RAB31: variants seen among roughly 807,000 people sequenced by gnomAD.
RAB31 encodes ras-related protein Rab-31.
RAB31 carries 21 observed loss-of-function variants against 25.6 expected under a neutral mutation model. The ratio of observed to expected loss-of-function variants is 0.82; its 90% CI spans 0.58 to 1.18. RAB31 has a LOEUF of 1.18. Among genes scored for constraint, RAB31 ranks in the 50% most tolerant of loss-of-function variants. RAB31 has a pLI of 0.00. For synonymous variants in RAB31, 87 were observed against 84.0 expected, an observed-to-expected ratio of 1.04 and a Z score of -0.20; for missense variants, 196 against 250.1, an observed-to-expected ratio of 0.78 and a Z score of 1.46.
intron 5 of RAB31, among the ~76,000 whole-genome samples, chr18:9,833,723 C>G (rs1400040779): frequency 1.3e-5 from 2 of 152,184 alleles, no homozygotes; most frequent in African/African-American, 4.8e-5. Flanking sequence ...CCTCTCTTAC[C>G]TCAACATCAT....
chr18:9,780,456 T>C (rs1359782622), intron 2 of RAB31, among the ~76,000 whole-genome samples: 1 of 152,210 alleles, frequency 6.6e-6, no homozygotes, highest in African/African-American at 2.4e-5. Context: ...TAGAGGTAAT[T>C]ACTGTAAACA....
chr18:9,728,006 T>G (rs1168372180), intron 1 of RAB31, among the ~76,000 whole-genome samples: 5 of 152,230 alleles, frequency 3.3e-5, no homozygotes, highest in African/African-American at 1.2e-4. Flanking sequence ...ACTTAATGTA[T>G]ACTTGTAAAG....
chr18:9,731,021 C>A (rs750120055), intron 1 of RAB31, among the ~76,000 whole-genome samples: 1 of 152,210 alleles, frequency 6.6e-6, no homozygotes, highest in Non-Finnish European at 1.5e-5. Context: ...TAAGTCAGAA[C>A]CACAGGGTGA....
intron 6 of RAB31, among the ~76,000 whole-genome samples, chr18:9,853,303 TAAA>T (rs538892034): frequency 6.6e-6 from 1 of 151,510 alleles, no homozygotes; most frequent in African/African-American, 2.4e-5. Flanking sequence ...AATGTTAAAA[TAAA>T]AAAAATTAAA....
At chr18:9,752,770 C>T (rs1246171864) in intron 1 of RAB31, among the ~76,000 whole-genome samples, 1 of 152,212 alleles carries the variant, frequency 6.6e-6, no homozygotes, top group East Asian at 1.9e-4. Context: ...CGAGGATGCA[C>T]ACAAACCCTT....
chr18:9,725,102 A>T (rs1599013274), intron 1 of RAB31, among the ~76,000 whole-genome samples: 2 of 152,246 alleles, frequency 1.3e-5, no homozygotes, highest in Middle Eastern at 3.4e-3. Context: ...CAGTCTTGTC[A>T]TATGGTGGCT....
intron 5 of RAB31, among the ~76,000 whole-genome samples, chr18:9,820,870 AT>A (rs1296770917): frequency 6.6e-6 from 1 of 151,074 alleles, no homozygotes; most frequent in East Asian, 1.9e-4. Context: ...ATTTCTTTTC[AT>A]TGTTTTTCTC....
chr18:9,712,816 A>G (rs568818538), intron 1 of RAB31, among the ~76,000 whole-genome samples: 2 of 152,354 alleles, frequency 1.3e-5, no homozygotes, highest in Admixed American at 6.5e-5. Flanking sequence ...TGTCTTGACA[A>G]CAATTTAGAA....
intron 1 of RAB31, among the ~76,000 whole-genome samples, chr18:9,744,331 C>A (rs972633159): frequency 2.3e-4 from 35 of 152,286 alleles, no homozygotes; most frequent in African/African-American, 7.7e-4. Context: ...GCTAAAATGA[C>A]CCCCTCCAAG....
intron 2 of RAB31, among the ~76,000 whole-genome samples, chr18:9,788,981 A>G (rs1344263032): frequency 5.3e-5 from 8 of 152,198 alleles, no homozygotes; most frequent in African/African-American, 1.4e-4. Context: ...AAAAAACAAA[A>G]CAAAGCAAAA....
chr18:9,846,218 G>A (rs1212573328), intron 6 of RAB31, among the ~76,000 whole-genome samples: 1 of 152,208 alleles, frequency 6.6e-6, no homozygotes, highest in Non-Finnish European at 1.5e-5. Flanking sequence ...GAGGGTGACA[G>A]CCTCCTTCCT....
chr18:9,781,634 G>A (rs2068405391), intron 2 of RAB31, among the ~76,000 whole-genome samples: 1 of 152,138 alleles, frequency 6.6e-6, no homozygotes, highest in Non-Finnish European at 1.5e-5. Context: ...CTCGTCCCTT[G>A]CTTTTCCTCT....
chr18:9,855,677 G>T (rs1012157705), intron 6 of RAB31, among the ~76,000 whole-genome samples: 1 of 152,032 alleles, frequency 6.6e-6, no homozygotes, highest in African/African-American at 2.4e-5. Context: ...CCTTTTAAAG[G>T]TGCCGGCCTC....
chr18:9,797,683 AC>A (rs918405172), intron 3 of RAB31, among the ~76,000 whole-genome samples: 8 of 152,168 alleles, frequency 5.3e-5, no homozygotes, highest in African/African-American at 1.9e-4. Context: ...AACTCCCACT[AC>A]CCAGATATTT....
Position 9,832,584 on chromosome 18 carries a change from C to T in RAB31, c.381-12998C>T, listed in dbSNP as rs374087567. On this transcript the variant is annotated intron_variant, in intron 5 of 6. Coordinates refer to ENST00000578921, the MANE Select transcript of RAB31 (RefSeq NM_006868.4). ...AGGCAGGGGCAGGAGTGGAACGGGCCGCGAATGTCGGAGTGAAGTGCAGAC... is the reference window on the plus strand; with the variant it reads ...AGGCAGGGGCAGGAGTGGAACGGGCTGCGAATGTCGGAGTGAAGTGCAGAC... Among the ~76,000 whole-genome samples, 179 of 152,276 alleles carry T rather than the reference C, an allele frequency of 1.2e-3. 1 individual carries two copies. Among genetic ancestry groups the T allele is most frequent in the African/African-American group, 3.6e-3 (150 of 41,558 alleles).
At chr18:9,764,592 G>C (rs1445791481) in intron 1 of RAB31, among the ~76,000 whole-genome samples, 1 of 152,156 alleles carries the variant, frequency 6.6e-6, no homozygotes, top group East Asian at 1.9e-4. Flanking sequence ...GGGTACACGG[G>C]CTCCCATTTG....
chr18:9,783,313 T>C (rs1441136188), intron 2 of RAB31, among the ~76,000 whole-genome samples: 1 of 152,230 alleles, frequency 6.6e-6, no homozygotes, highest in Non-Finnish European at 1.5e-5. Context: ...TTCCTCTTCC[T>C]GGTTAGGCCA....
chr18:9,818,709 A>G (rs892890353), intron 5 of RAB31, among the ~76,000 whole-genome samples: 2 of 152,114 alleles, frequency 1.3e-5, no homozygotes, highest in African/African-American at 2.4e-5. Context: ...TTAGGAGTGG[A>G]ATTTCTGTGT....
intron 1 of RAB31, among the ~76,000 whole-genome samples, chr18:9,716,953 G>A (rs1189212552): frequency 8.9e-6 from 1 of 112,658 alleles, no homozygotes; most frequent in Admixed American, 8.4e-5. Context: ...TAGAGATGGG[G>A]TCTTGCTGTG....
Sources: gnomAD v4.1 joint callset for allele counts (sites outside exome capture counted in the v4.1 genomes callset) on GRCh38, gnomAD v4.1.1 for gene constraint, MANE v1.5 for transcripts, NCBI Gene and HGNC (gene_info 2026-07-23, HGNC 2026-07-21) for gene names.